The following CCNE1 variants were observed in gnomAD, a reference collection of about 807,000 sequenced individuals.
CCNE1 encodes the protein cyclin E1.
A neutral mutation model predicts 54.1 loss-of-function variants in CCNE1; 8 were observed. That is an observed-to-expected ratio of 0.15 (90% CI 0.09 to 0.27). The LOEUF is 0.27. Among genes scored for constraint, CCNE1 ranks in the 10% least tolerant of loss-of-function variants. The pLI is 1.00. For missense variants in CCNE1, 430 were observed against 514.9 expected, an observed-to-expected ratio of 0.84 and a Z score of 1.60; for synonymous variants, 179 against 185.2, an observed-to-expected ratio of 0.97 and a Z score of 0.27.
chr19:29,822,616 CCTT>C lies in CCNE1; in HGVS notation c.1110+17_1110+19del, dbSNP rs67602822. 0.3 allele frequency: 471,601 copies of C among 1,594,976 alleles called. 74,526 individuals carry two copies. The highest frequency in any genetic ancestry group is 0.33 in the Non-Finnish European group (380,824 of 1,168,134). On this transcript the variant is annotated intron_variant, in intron 11 of 11. Coordinates refer to ENST00000262643, the MANE Select transcript of CCNE1 (RefSeq NM_001238.4). ...CTTGGATTTGCTGGTCAGTGCTGCT[CCTT>C]CTTTCAGTCCTTCTTGGCCAAATTC...
At position 29,822,597 on chromosome 19, in the gene CCNE1, T is replaced by A. The variant is rs1974178292; in HGVS notation, c.1104T>A (p.Asp368Glu). The change falls in exon 11 of 12, where the codon GAT (aspartate) becomes GAA (glutamate). Residue 368 changes from aspartate to glutamate, a missense_variant. By Grantham distance (45) the Asp-to-Glu change is conservative. Transcript: ENST00000262643. ...HNIQTHRDSL[D>E]LLDKARAKKA... Reference sequence around the variant, plus strand: ...TACAGACCCACAGAGACAGCTTGGATTTGCTGGTCAGTGCTGCTCCTTCTT... The same window carrying A: ...TACAGACCCACAGAGACAGCTTGGAATTGCTGGTCAGTGCTGCTCCTTCTT... The A allele has an allele frequency of 3.1e-6, 5 of 1,606,878 alleles. No individual in the cohort carries two copies. The highest frequency in any genetic ancestry group is 2.6e-6 in the Non-Finnish European group (3 of 1,176,026).
chr19:29,818,820 T>C (rs1974086550), intron 6 of CCNE1, among the ~76,000 whole-genome samples: 1 of 149,968 alleles, frequency 6.7e-6, no homozygotes, highest in Non-Finnish European at 1.5e-5. Context: ...TGGCATGCAA[T>C]GGTGTGATCT....
chr19:29,817,605 T>C, intron 6 of CCNE1, 64 bp downstream of exon 6: 1 of 1,573,184 alleles, frequency 6.4e-7, no homozygotes, highest in Non-Finnish European at 8.7e-7. Context: ...TTTTGTGTAT[T>C]AGGACCTCTG....
chr19:29,812,422 C>T (rs1427103873), intron 1 of CCNE1, 110 bp from the exon 2 acceptor site: 4 of 703,778 alleles, frequency 5.7e-6, no homozygotes, highest in Non-Finnish European at 7.7e-6. Context: ...ACAGGCCACC[C>T]CGCCATCGGC....
intron 6 of CCNE1, among the ~76,000 whole-genome samples, chr19:29,819,764 C>T (rs1226638544): frequency 6.6e-6 from 1 of 152,174 alleles, no homozygotes; most frequent in Non-Finnish European, 1.5e-5. Context: ...CCTAGACAAC[C>T]TTGTAAGACT....
chr19:29,823,636 C>G lies in CCNE1; in HGVS notation c.1111-19C>G. On this transcript the variant is annotated intron_variant, in intron 11 of 11. Transcript: ENST00000262643. ...TATGTTCTACTCTAATGTGTTGTCCCTTTTATTCTTACCAACAGGACAAAG... is the reference window on the plus strand; with the variant it reads ...TATGTTCTACTCTAATGTGTTGTCCGTTTTATTCTTACCAACAGGACAAAG... 22 of 1,612,370 alleles carry G rather than the reference C, an allele frequency of 1.4e-5. No individual in the cohort carries two copies. The highest frequency in any genetic ancestry group is 1.9e-5 in the Non-Finnish European group (22 of 1,178,890).
chr19:29,813,177 G>A (rs1222261327), intron 4 of CCNE1, 140 bp downstream of exon 4: 9 of 718,884 alleles, frequency 1.3e-5, no homozygotes, highest in African/African-American at 1.8e-5. Flanking sequence ...ATATGGCCCA[G>A]CACTGTACCT....
intron 11 of CCNE1, 31 bp from the exon 12 acceptor site, chr19:29,823,624 A>G (rs1031343814): frequency 1.9e-6 from 3 of 1,604,328 alleles, no homozygotes; most frequent in African/African-American, 2.7e-5. Flanking sequence ...GTTCTACTCT[A>G]ATGTGTTGTC....
chr19:29,819,201 G>A (rs995722658), intron 6 of CCNE1, among the ~76,000 whole-genome samples: 3 of 151,982 alleles, frequency 2.0e-5, no homozygotes, highest in African/African-American at 7.2e-5. Flanking sequence ...CTGTGATAGC[G>A]CCACTGCACT....
chr19:29,819,817 A>G (rs1974108406), intron 6 of CCNE1, among the ~76,000 whole-genome samples: 1 of 152,228 alleles, frequency 6.6e-6, no homozygotes, highest in Non-Finnish European at 1.5e-5. Flanking sequence ...GTGGAAGGAC[A>G]TCTCAGGCAG....
intron 4 of CCNE1, among the ~76,000 whole-genome samples, chr19:29,816,922 C>A (rs968819377): frequency 7.1e-6 from 1 of 141,334 alleles, no homozygotes; most frequent in Non-Finnish European, 1.5e-5. Context: ...ATTGACAGTT[C>A]TGTTTTACTT....
At position 29,823,714 on chromosome 19, in the gene CCNE1, C is replaced by T. The variant is rs1568372397; in HGVS notation, c.1170C>T (p.Pro390=). 1 of 1,614,166 alleles carries T rather than the reference C, an allele frequency of 6.2e-7. No individual in the cohort carries two copies. Among genetic ancestry groups the T allele is most frequent in the Non-Finnish European group, 8.5e-7 (1 of 1,179,982 alleles). Residue 390 remains proline (P), a synonymous_variant, in exon 12 of 12, where the codon CCC becomes CCT. Coordinates refer to ENST00000262643, the MANE Select transcript of CCNE1 (RefSeq NM_001238.4). ...LSEQNRASPL[P]SGLLTPPQSG... is the part of the protein sequence containing the mutation. ...AACAAAATAGGGCTTCTCCTCTCCC[C>T]AGTGGGCTCCTCACCCCGCCACAGA...
At position 29,824,097 on chromosome 19, in the gene CCNE1, G is replaced by A. The variant is rs1223096659; in HGVS notation, c.*320G>A. On this transcript the variant is annotated 3_prime_UTR_variant, in exon 12 of 12. Transcript: ENST00000262643. ...AAAGCTTGAAGCTGTGGAGGGCCAC[G>A]GTGGCGTGGCTCTCCTCGCAGGTGT... The A allele has an allele frequency of 3.4e-5, 10 of 296,500 alleles. No homozygotes were observed. The highest frequency in any genetic ancestry group is 8.5e-5 in the African/African-American group (4 of 47,162). 18.4% of individuals were successfully genotyped at this position (296,500 alleles called of 1,614,324 possible).
At position 29,817,737 on chromosome 19, in the gene CCNE1, G is replaced by A. The variant is rs3218047; in HGVS notation, c.462+196G>A. Among the ~76,000 whole-genome samples, 899 of 151,892 alleles carry A rather than the reference G, an allele frequency of 5.9e-3. 37 individuals carry two copies. The highest frequency in any genetic ancestry group is 0.056 in the Admixed American group (846 of 15,232). On this transcript the variant is annotated intron_variant, in intron 6 of 11. Transcript: ENST00000262643. The stretch of plus-strand genomic sequence containing the variant: ...ATTTCTGAAATCTTTTTATCCTTCA[G>A]ATGTTTTAAAATTGGCATCTAATTT...
At position 29,821,962 on chromosome 19, in the gene CCNE1, A is replaced by G. The variant is rs368657471; in HGVS notation, c.706-34A>G. 25 of 1,594,344 alleles carry G rather than the reference A, an allele frequency of 1.6e-5. No individual in the cohort carries two copies. The African/African-American group carries it at 3.1e-4, about 20-fold the overall frequency. On this transcript the variant is annotated intron_variant, in intron 8 of 11. Transcript: ENST00000262643. ...GCTGCATTTTGAACTTCTTTTCTCA[A>G]TCATCGGTCTCTTTTCTCTCTGTTT...
intron 11 of CCNE1, 141 bp from the exon 12 acceptor site, chr19:29,823,514 A>T: frequency 1.7e-6 from 1 of 585,824 alleles, no homozygotes; most frequent in South Asian, 3.9e-5. Context: ...CCACCACTGT[A>T]CTACAGTCTG....
chr19:29,816,147 C>T (rs991428797), intron 4 of CCNE1, among the ~76,000 whole-genome samples: 38 of 145,642 alleles, frequency 2.6e-4, no homozygotes, highest in Admixed American at 4.8e-4. Context: ...CAGAGGGAGA[C>T]CCTCTCTCAA....
rs748726668 is a variant in CCNE1 at position 29,817,253 on chromosome 19, A to G, written c.297A>G (p.Pro99=). The change falls in exon 5 of 12, where the codon CCA becomes CCG. Residue 99 remains proline (P), a synonymous_variant. Coordinates refer to ENST00000262643, the MANE Select transcript of CCNE1 (RefSeq NM_001238.4). ...CGTGCAAGCCTCGGATTATTGCACC[A>G]TCCAGAGGCTCCCCGCTGCCTGTAC... is the stretch of plus-strand genomic sequence containing the variant. The part of the protein sequence containing the change: ...NSTCKPRIIA[P]SRGSPLPVLS... 5 of 1,614,062 alleles carry G rather than the reference A, an allele frequency of 3.1e-6. No individual in the cohort carries two copies. The highest frequency in any genetic ancestry group is 2.7e-5 in the African/African-American group (2 of 74,930).
Position 29,812,598 on chromosome 19 carries a change from G to T in CCNE1, c.23+20G>T. 1 of 1,534,310 alleles carries T rather than the reference G, an allele frequency of 6.5e-7. No homozygotes were observed. The highest frequency in any genetic ancestry group is 8.8e-7 in the Non-Finnish European group (1 of 1,141,974). Reference sequence around the variant, plus strand: ...GGAGCGGTGAGTGCCCGCGCCGCGGGGCCGGACGGGACGGGACGGGACGGG... The same window carrying T: ...GGAGCGGTGAGTGCCCGCGCCGCGGTGCCGGACGGGACGGGACGGGACGGG... On this transcript the variant is annotated intron_variant, in intron 2 of 11. Transcript: ENST00000262643.
Sources: allele counts gnomAD v4.1 joint callset (sites outside exome capture counted in the v4.1 genomes callset), GRCh38; gene constraint gnomAD v4.1.1; transcripts MANE v1.5; gene names NCBI Gene and HGNC (gene_info 2026-07-23, HGNC 2026-07-21).